CALD1: variants seen among roughly 807,000 people sequenced by gnomAD.
The protein encoded by CALD1 is caldesmon.
A neutral mutation model predicts 99.9 loss-of-function variants in CALD1; 33 were observed. That is an observed-to-expected ratio of 0.33 (90% CI 0.25 to 0.44). The LOEUF is 0.44. CALD1 is among the 20% of genes least tolerant of loss of function. The pLI, the probability that CALD1 is intolerant of heterozygous loss-of-function variation, is 1.00. For missense variants in CALD1, 861 were observed against 962.1 expected, an observed-to-expected ratio of 0.89 and a Z score of 1.39; for synonymous variants, 310 against 325.0, an observed-to-expected ratio of 0.95 and a Z score of 0.50.
intron 3 of CALD1, among the ~76,000 whole-genome samples, chr7:134,875,253 G>C (rs1354088131): frequency 6.6e-6 from 1 of 152,118 alleles, no homozygotes; most frequent in Non-Finnish European, 1.5e-5. Context: ...GCGCAGTCCA[G>C]TCTCAAACTC....
chr7:134,955,162 T>A (rs1235008807), intron 9 of CALD1, among the ~76,000 whole-genome samples: 3 of 152,186 alleles, frequency 2.0e-5, no homozygotes, highest in Non-Finnish European at 4.4e-5. Flanking sequence ...GAGTCCAAGG[T>A]GGGCGAATCA....
the CALD1 span, among the ~76,000 whole-genome samples, chr7:134,715,630 A>G: frequency 3.9e-4 from 60 of 152,252 alleles, no homozygotes; most frequent in Non-Finnish European, 7.3e-4. Context: ...TATAAATTTT[A>G]TACGTATATA....
At chr7:134,752,871 A>G (rs1796696514) in intron 1 of CALD1, among the ~76,000 whole-genome samples, 1 of 151,884 alleles carries the variant, frequency 6.6e-6, no homozygotes, top group African/African-American at 2.4e-5. Context: ...GCGTGGTGGC[A>G]TGGTGGCGGG....
intron 1 of CALD1, among the ~76,000 whole-genome samples, chr7:134,768,636 C>T (rs2131620706): frequency 6.6e-6 from 1 of 152,090 alleles, no homozygotes; most frequent in South Asian, 2.1e-4. Flanking sequence ...GACCAGATTG[C>T]TAGTTCTCTG....
intron 1 of CALD1, among the ~76,000 whole-genome samples, chr7:134,814,780 G>T (rs1425815710): frequency 6.6e-6 from 1 of 152,198 alleles, no homozygotes; most frequent in African/African-American, 2.4e-5. Flanking sequence ...CTCTATGATT[G>T]TTGATTCACT....
At chr7:134,766,885 C>G (rs1796831206) in intron 1 of CALD1, among the ~76,000 whole-genome samples, 1 of 152,090 alleles carries the variant, frequency 6.6e-6, no homozygotes, top group Non-Finnish European at 1.5e-5. Context: ...GGATCAAGAG[C>G]TGAGGTCATG....
chr7:134,964,971 C>T (rs1172343876), intron 13 of CALD1, among the ~76,000 whole-genome samples: 2 of 152,018 alleles, frequency 1.3e-5, no homozygotes, highest in Non-Finnish European at 2.9e-5. Flanking sequence ...AAAAAATTAG[C>T]CAGGCATGGT....
At chr7:134,769,511 T>C (rs1039468741) in intron 1 of CALD1, among the ~76,000 whole-genome samples, 1 of 152,234 alleles carries the variant, frequency 6.6e-6, no homozygotes, top group Non-Finnish European at 1.5e-5. Context: ...ATTTCAAGGC[T>C]TTTGACCTTT....
intron 3 of CALD1, among the ~76,000 whole-genome samples, chr7:134,909,834 T>C (rs547474865): frequency 6.6e-6 from 1 of 152,170 alleles, no homozygotes; most frequent in Admixed American, 6.5e-5. Context: ...AGAAAGGAGT[T>C]GAGGAAGAAA....
chr7:134,735,771 T>A, the CALD1 span, among the ~76,000 whole-genome samples: 3 of 152,222 alleles, frequency 2.0e-5, no homozygotes, highest in Admixed American at 2.0e-4. Context: ...TTCTAAAATG[T>A]TGTGGCTACC....
At chr7:134,824,240 C>T (rs1326665786) in intron 1 of CALD1, among the ~76,000 whole-genome samples, 1 of 152,158 alleles carries the variant, frequency 6.6e-6, no homozygotes, top group Non-Finnish European at 1.5e-5. Flanking sequence ...TGTTCTCTTT[C>T]AGCTGGGGGA....
rs577406852 is a variant in CALD1 at position 134,856,785 on chromosome 7, T to C, written c.-41-10908T>C. 3.9e-4 allele frequency among the ~76,000 whole-genome samples: 59 copies of C among 152,274 alleles called. 1 individual carries two copies. The South Asian group carries it at 0.012, about 30-fold the overall frequency. On this transcript the variant is annotated intron_variant, in intron 2 of 14. Coordinates refer to ENST00000361675, the MANE Select transcript of CALD1 (RefSeq NM_033138.4). ...AATCAGAATATAAAATAGAGTTCCA[T>C]AGTAAACCACCACCATTCCCAAGGT...
At chr7:134,938,602 C>T (rs1428437651) in intron 6 of CALD1, among the ~76,000 whole-genome samples, 1 of 152,002 alleles carries the variant, frequency 6.6e-6, no homozygotes, top group Admixed American at 6.5e-5. Context: ...CCAGGGGGCT[C>T]AGAATCCCAT....
chr7:134,876,369 A>G (rs2198342), intron 3 of CALD1, among the ~76,000 whole-genome samples: 117,747 of 152,172 alleles, frequency 0.77, 46,028 homozygotes, highest in East Asian at 0.94. Context: ...TGATCTTGCT[A>G]TATGTAAAAA....
Position 134,783,294 on chromosome 7 carries a change from C to T in CALD1, c.-130+3545C>T, listed in dbSNP as rs1372461044. On this transcript the variant is annotated intron_variant, in intron 1 of 14. Transcript: ENST00000361675. The surrounding 1 kb of genome is among the most constrained non-coding windows in gnomAD (Gnocchi z 4.3). ...CATCCCTAACTTCCTTACCCCCAGG[C>T]CTCCACCTGTAACCTCTTCCCCAGC... Among the ~76,000 whole-genome samples, 2 of 152,206 alleles carry T rather than the reference C, an allele frequency of 1.3e-5. No individual in the cohort carries two copies. The highest frequency in any genetic ancestry group is 6.5e-5 in the Admixed American group (1 of 15,286).
chr7:134,810,407 A>G (rs1457291503), intron 1 of CALD1, among the ~76,000 whole-genome samples: 1 of 152,328 alleles, frequency 6.6e-6, no homozygotes, highest in East Asian at 1.9e-4. Flanking sequence ...TAGTTATATC[A>G]TAATTCATGT....
intron 1 of CALD1, among the ~76,000 whole-genome samples, chr7:134,773,399 C>T (rs1001535783): frequency 2.0e-5 from 3 of 151,918 alleles, no homozygotes; most frequent in Admixed American, 2.0e-4. Flanking sequence ...CTCAGCCTCC[C>T]TAGGGCTGGG....
chr7:134,923,124 C>T (rs1804738311), intron 3 of CALD1, among the ~76,000 whole-genome samples: 1 of 152,160 alleles, frequency 6.6e-6, no homozygotes, highest in African/African-American at 2.4e-5. Flanking sequence ...TCCAAAATAT[C>T]CAATGAGCCA....
At chr7:134,781,582 CAT>C (rs1336444247) in intron 1 of CALD1, among the ~76,000 whole-genome samples, 1 of 144,826 alleles carries the variant, frequency 6.9e-6, no homozygotes, top group Non-Finnish European at 1.5e-5. Context: ...CATTTCCCCA[CAT>C]AGTGAGGCCA....
Sources: gnomAD v4.1 joint callset for allele counts (sites outside exome capture counted in the v4.1 genomes callset) on GRCh38, gnomAD v4.1.1 for gene constraint, Gnocchi (gnomAD v3.1) non-coding constraint, MANE v1.5 for transcripts, NCBI Gene and HGNC (gene_info 2026-07-23, HGNC 2026-07-21) for gene names.